The following GTF2A1 variants were observed in gnomAD, a reference collection of about 807,000 sequenced individuals.
The protein encoded by GTF2A1 is transcription initiation factor IIA subunit 1.
GTF2A1 carries 12 observed loss-of-function variants against 54.1 expected under a neutral mutation model. That is an observed-to-expected ratio of 0.22 (90% CI 0.14 to 0.36). GTF2A1 has a LOEUF of 0.36. GTF2A1 is among the 10% of genes least tolerant of loss of function. The pLI, the probability that GTF2A1 is intolerant of heterozygous loss-of-function variation, is 1.00. For missense variants in GTF2A1, 335 were observed against 442.2 expected (o/e 0.76, Z 2.17); for synonymous variants, 145 against 152.0 (o/e 0.95, Z 0.34).
intron 2 of GTF2A1, among the ~76,000 whole-genome samples, chr14:81,208,708 G>A (rs1893296336): frequency 6.6e-6 from 1 of 152,234 alleles, no homozygotes; most frequent in African/African-American, 2.4e-5. Context: ...CCACGGGGCA[G>A]AGTTGCCCAA....
chr14:81,180,130 G>A lies in GTF2A1; in HGVS notation c.*93C>T, dbSNP rs560304793. 22 of 562,786 alleles carry A rather than the reference G, an allele frequency of 3.9e-5. No homozygotes were observed. Among genetic ancestry groups the A allele is most frequent in the East Asian group, 3.0e-4 (10 of 33,262 alleles). The allele number at this position is 562,786 out of a possible 1,614,324, so 34.9% of individuals were successfully genotyped here. On this transcript the variant is annotated 3_prime_UTR_variant, in exon 9 of 9. Transcript: ENST00000553612. ...CTGCACTTTTCTGACATGCAGAAAC[G>A]AAGTTTTGGTTGGCATATGCCCCAA...
intron 1 of GTF2A1, among the ~76,000 whole-genome samples, chr14:81,217,600 G>T (rs1595233740): frequency 6.6e-6 from 1 of 152,184 alleles, no homozygotes; most frequent in African/African-American, 2.4e-5. Flanking sequence ...AAGAGTTCAA[G>T]ACCAGCCTGG....
At chr14:81,202,985 T>A (rs1267039498) in intron 3 of GTF2A1, among the ~76,000 whole-genome samples, 1 of 152,240 alleles carries the variant, frequency 6.6e-6, no homozygotes, top group Non-Finnish European at 1.5e-5. Flanking sequence ...TACTGTCAAA[T>A]GAGGCAAATG....
rs1265533855 is a variant in GTF2A1 at position 81,176,278 on chromosome 14, ACAG to A, written c.*3942_*3944del. 1 of 152,142 alleles carries A rather than the reference ACAG, an allele frequency of 6.6e-6. No homozygotes were observed. The highest frequency in any genetic ancestry group is 1.5e-5 in the Non-Finnish European group (1 of 67,986). 9.4% of individuals were successfully genotyped at this position (152,142 alleles called of 1,614,324 possible). ...TTTAAAACATAATATCCCATATATC[ACAG>A]AAGAGCAACCTTGATCTGCAATGAA... is the stretch of plus-strand genomic sequence containing the variant. On this transcript the variant is annotated 3_prime_UTR_variant, in exon 9 of 9. Coordinates refer to ENST00000553612, the MANE Select transcript of GTF2A1 (RefSeq NM_015859.4).
intron 2 of GTF2A1, among the ~76,000 whole-genome samples, chr14:81,212,353 AAC>A (rs1019876840): frequency 2.0e-5 from 3 of 152,176 alleles, no homozygotes; most frequent in African/African-American, 7.2e-5. Flanking sequence ...ACCAATCCAA[AAC>A]ACATTTACAT....
chr14:81,183,584 C>T (rs535767893), intron 8 of GTF2A1, among the ~76,000 whole-genome samples: 1 of 152,082 alleles, frequency 6.6e-6, no homozygotes, highest in African/African-American at 2.4e-5. Context: ...ATCTATTTAC[C>T]GGCCCTAAGC....
intron 2 of GTF2A1, among the ~76,000 whole-genome samples, chr14:81,204,834 CAT>C (rs1272450286): frequency 2.0e-5 from 3 of 152,174 alleles, no homozygotes; most frequent in African/African-American, 4.8e-5. Flanking sequence ...GAAAAGAAAA[CAT>C]GTGCAACGAT....
At chr14:81,200,155 G>C (rs1054807269) in intron 4 of GTF2A1, among the ~76,000 whole-genome samples, 1 of 152,146 alleles carries the variant, frequency 6.6e-6, no homozygotes, top group Admixed American at 6.6e-5. Flanking sequence ...CTATCATGTA[G>C]AAACTTTCAA....
intron 7 of GTF2A1, among the ~76,000 whole-genome samples, chr14:81,192,014 T>C (rs1340861809): frequency 1.3e-5 from 2 of 152,224 alleles, no homozygotes; most frequent in Non-Finnish European, 2.9e-5. Context: ...TATATGCTTC[T>C]AGAAGAACAC....
rs1343223071 is a variant in GTF2A1, at chr14:81,180,343, A to C, written c.1024-13T>G. ...TACTTCTGTGTATCTAAACAAAAACAACATTTTAAAAATTGAGAGATACAA... is the reference window on the plus strand; with the variant it reads ...TACTTCTGTGTATCTAAACAAAAACCACATTTTAAAAATTGAGAGATACAA... On this transcript the variant is annotated splice_polypyrimidine_tract_variant and intron_variant, in intron 8 of 8. Transcript: ENST00000553612. 1 of 1,100,964 alleles carries C rather than the reference A, an allele frequency of 9.1e-7. No individual in the cohort carries two copies. Among genetic ancestry groups the C allele is most frequent in the Non-Finnish European group, 1.4e-6 (1 of 728,638 alleles). The allele number at this position is 1,100,964 out of a possible 1,614,324, so 68.2% of individuals were successfully genotyped here. A position where few individuals can be genotyped will look rare whatever the true frequency, so the allele number is the denominator to read the frequency against.
intron 7 of GTF2A1, among the ~76,000 whole-genome samples, chr14:81,186,947 C>A (rs947130495): frequency 9.5e-5 from 13 of 136,376 alleles, no homozygotes; most frequent in African/African-American, 3.2e-4. Context: ...GACTCTATAT[C>A]AACAATAAGA....
intron 1 of GTF2A1, among the ~76,000 whole-genome samples, chr14:81,218,769 T>C (rs1207200066): frequency 2.0e-5 from 3 of 151,270 alleles, no homozygotes; most frequent in South Asian, 2.1e-4. Context: ...CCCATGTTAA[T>C]ATCCAAGGCA....
chr14:81,185,656 A>G, intron 7 of GTF2A1, 36 bp from the exon 8 acceptor site: 1 of 1,140,202 alleles, frequency 8.8e-7, no homozygotes, highest in Non-Finnish European at 1.3e-6. Context: ...TACTATAAGA[A>G]GGCCTTAATA....
rs12895990 is a variant in GTF2A1, at chr14:81,209,938, T to C, written c.133-5834A>G. 118,660 of 1,244,040 alleles carry C rather than the reference T, an allele frequency of 0.095. 6,335 individuals carry two copies. Among genetic ancestry groups the C allele is most frequent in the Middle Eastern group, 0.12 (538 of 4,592 alleles). The allele number at this position is 1,244,040 out of a possible 1,614,324, so 77.1% of individuals were successfully genotyped here. A position where few individuals can be genotyped will look rare whatever the true frequency, so the allele number is the denominator to read the frequency against. ...GGCAGCAACTGTCTTATTCAGGATC[T>C]AATTTCAAAGAAGGGAAAACAAAAC... On this transcript the variant is annotated intron_variant, in intron 2 of 8. Transcript: ENST00000553612.
chr14:81,220,235 C>A (rs1433019468), intron 1 of GTF2A1, among the ~76,000 whole-genome samples: 1 of 145,254 alleles, frequency 6.9e-6, no homozygotes, highest in Non-Finnish European at 1.5e-5. Context: ...CTCCGCGGCC[C>A]GGCCCGGCCC....
At chr14:81,214,200 G>A (rs945993363) in intron 2 of GTF2A1, among the ~76,000 whole-genome samples, 2 of 152,014 alleles carry the variant, frequency 1.3e-5, no homozygotes, top group African/African-American at 2.4e-5. Flanking sequence ...TTGCAGCCTC[G>A]ACACCTATGC....
chr14:81,216,645 C>T, intron 1 of GTF2A1, 131 bp from the exon 2 acceptor site: 1 of 527,226 alleles, frequency 1.9e-6, no homozygotes, highest in Non-Finnish European at 3.4e-6. Flanking sequence ...GATACGACCA[C>T]CATCATTTGC....
chr14:81,207,323 T>C (rs905599109), intron 2 of GTF2A1, among the ~76,000 whole-genome samples: 3 of 152,162 alleles, frequency 2.0e-5, no homozygotes, highest in Non-Finnish European at 4.4e-5. Flanking sequence ...TCAGGAGATC[T>C]GATGGGTTTA....
At chr14:81,218,933 A>G (rs1893545316) in intron 1 of GTF2A1, among the ~76,000 whole-genome samples, 1 of 151,710 alleles carries the variant, frequency 6.6e-6, no homozygotes, top group African/African-American at 2.4e-5. Context: ...TTACTATAGG[A>G]AAACATAATG....
Sources: gnomAD v4.1 joint callset for allele counts (sites outside exome capture counted in the v4.1 genomes callset) on GRCh38, gnomAD v4.1.1 for gene constraint, MANE v1.5 for transcripts, NCBI Gene and HGNC (gene_info 2026-07-23, HGNC 2026-07-21) for gene names.